Variants in BMPR2 observed in about 807,000 individuals in gnomAD.
BMPR2 encodes bone morphogenetic protein receptor type-2.
Under a neutral mutation model 100.8 loss-of-function variants are expected in BMPR2, and 29 were observed. The ratio of observed to expected loss-of-function variants is 0.29; its 90% CI spans 0.21 to 0.39. BMPR2 has a LOEUF of 0.39. Among genes scored for constraint, BMPR2 ranks in the 10% least tolerant of loss-of-function variants. The pLI, the probability that BMPR2 is intolerant of heterozygous loss-of-function variation, is 1.00. For missense variants in BMPR2, 1,011 were observed against 1,274.5 expected, an observed-to-expected ratio of 0.79 and a Z score of 3.15; for synonymous variants, 382 against 442.3, an observed-to-expected ratio of 0.86 and a Z score of 1.71.
chr2:202,404,166 G>A (rs1366532475), intron 1 of BMPR2, among the ~76,000 whole-genome samples: 1 of 150,256 alleles, frequency 6.7e-6, no homozygotes, highest in Non-Finnish European at 1.5e-5. Flanking sequence ...TCATTTTAGA[G>A]CTAAAATTTG....
chr2:202,464,904 ATAT>A lies in BMPR2; in HGVS notation c.176_178del (p.Leu59del). Reference sequence around the variant, plus strand: ...TAGAATCTCTCATGAAAATGGGACAATATTATGCTCGAAAGGTAGCACCTGCTA... The same window carrying A: ...TAGAATCTCTCATGAAAATGGGACAATATGCTCGAAAGGTAGCACCTGCTA... On this transcript the variant is annotated inframe_deletion, in exon 2 of 13. Coordinates refer to ENST00000374580, the MANE Select transcript of BMPR2 (RefSeq NM_001204.7). 6.2e-7 allele frequency: 1 copy of A among 1,614,150 alleles called. No homozygotes were observed. The highest frequency in any genetic ancestry group is 8.5e-7 in the Non-Finnish European group (1 of 1,180,016).
intron 3 of BMPR2, among the ~76,000 whole-genome samples, chr2:202,502,090 A>C (rs1687406664): frequency 6.6e-6 from 1 of 152,226 alleles, no homozygotes; most frequent in Admixed American, 6.5e-5. Flanking sequence ...GAGCCTTAGA[A>C]CTGGGAAAGG....
At chr2:202,441,232 C>T (rs974684215) in intron 1 of BMPR2, among the ~76,000 whole-genome samples, 2 of 150,168 alleles carry the variant, frequency 1.3e-5, no homozygotes, top group Admixed American at 6.6e-5. Context: ...CCACCCACCT[C>T]GGCCTCCCAA....
intron 10 of BMPR2, among the ~76,000 whole-genome samples, chr2:202,550,290 A>T (rs1221454046): frequency 2.7e-5 from 4 of 150,682 alleles, no homozygotes; most frequent in African/African-American, 4.9e-5. Context: ...GGAGAATGGC[A>T]CGAACCCAAG....
chr2:202,467,800 T>C, intron 3 of BMPR2, 111 bp downstream of exon 3: 4 of 1,143,586 alleles, frequency 3.5e-6, no homozygotes, highest in Non-Finnish European at 5.2e-6. Flanking sequence ...GGCTCATGCC[T>C]GTAATGCCAG....
At chr2:202,511,535 C>T (rs1444702380) in intron 3 of BMPR2, among the ~76,000 whole-genome samples, 18 of 152,094 alleles carry the variant, frequency 1.2e-4, no homozygotes, top group Admixed American at 1.2e-3. Context: ...TTGCAATGTA[C>T]AAGAGTTATA....
chr2:202,534,461 C>T (rs1476991075), intron 9 of BMPR2, among the ~76,000 whole-genome samples: 2 of 151,730 alleles, frequency 1.3e-5, no homozygotes, highest in African/African-American at 4.8e-5. Context: ...GGTGATGACT[C>T]TTAACGAGCA....
intron 1 of BMPR2, among the ~76,000 whole-genome samples, chr2:202,404,969 G>A (rs1690857834): frequency 1.3e-5 from 2 of 152,010 alleles, no homozygotes; most frequent in African/African-American, 2.4e-5. Flanking sequence ...GAGTACAGGC[G>A]TGTGCACCAT....
chr2:202,494,475 G>A (rs1692975728), intron 3 of BMPR2, among the ~76,000 whole-genome samples: 15 of 152,286 alleles, frequency 9.8e-5, no homozygotes, highest in Admixed American at 9.2e-4. Flanking sequence ...CCTGGCTCCA[G>A]GATTTGTAAA....
intron 3 of BMPR2, chr2:202,469,550 G>T (rs1259842919): frequency 6.9e-6 from 2 of 291,294 alleles, no homozygotes; most frequent in South Asian, 3.0e-5. Context: ...CACGATCCCG[G>T]CTCACTGCAA....
At position 202,556,492 on chromosome 2, in the gene BMPR2, C is replaced by A; in HGVS notation, c.2827C>A (p.Leu943Ile). ...AGCACAGAGGCCTAATTCTCTGGAT[C>A]TTTCAGCCACAAATGTCCTGGATGG... The part of the protein sequence containing the change: ...RRAQRPNSLD[L>I]SATNVLDGSS... Residue 943 changes from leucine (L) to isoleucine (I), a missense_variant, in exon 12 of 13, where the codon CTT becomes ATT. Coordinates refer to ENST00000374580, the MANE Select transcript of BMPR2 (RefSeq NM_001204.7). 1 of 1,613,910 alleles carries A rather than the reference C, an allele frequency of 6.2e-7. No individual in the cohort carries two copies. The highest frequency in any genetic ancestry group is 8.5e-7 in the Non-Finnish European group (1 of 1,180,038).
intron 9 of BMPR2, among the ~76,000 whole-genome samples, chr2:202,541,356 G>A (rs1214281341): frequency 1.3e-5 from 2 of 151,382 alleles, no homozygotes; most frequent in Non-Finnish European, 2.9e-5. Flanking sequence ...CTTGAGTGCA[G>A]GAGTTCAAGT....
chr2:202,519,168 C>A, intron 6 of BMPR2, 116 bp downstream of exon 6: 1 of 1,076,064 alleles, frequency 9.3e-7, no homozygotes, highest in Non-Finnish European at 1.4e-6. Context: ...TCAGGACCAG[C>A]CTCGCCAACA....
intron 1 of BMPR2, among the ~76,000 whole-genome samples, chr2:202,415,789 G>GATC (rs1691115118): frequency 6.6e-6 from 1 of 152,172 alleles, no homozygotes; most frequent in African/African-American, 2.4e-5. Context: ...AAATATTACT[G>GATC]ATCATTGACA....
intron 1 of BMPR2, among the ~76,000 whole-genome samples, chr2:202,457,886 C>T (rs562139904): frequency 1.2e-4 from 19 of 152,158 alleles, no homozygotes; most frequent in African/African-American, 2.9e-4. Flanking sequence ...CACGCCACCA[C>T]GCTCGGGTAA....
intron 3 of BMPR2, among the ~76,000 whole-genome samples, chr2:202,474,236 A>C (rs1282413219): frequency 6.6e-6 from 1 of 152,084 alleles, no homozygotes; most frequent in African/African-American, 2.4e-5. Context: ...CAGGTGGATC[A>C]TGAGGTCAGG....
chr2:202,450,548 G>A (rs771815459), intron 1 of BMPR2, among the ~76,000 whole-genome samples: 16 of 151,882 alleles, frequency 1.1e-4, no homozygotes, highest in African/African-American at 1.7e-4. Context: ...AAAATTAGCC[G>A]GGCATGGTGG....
At chr2:202,523,386 A>G (rs2106011378) in intron 7 of BMPR2, among the ~76,000 whole-genome samples, 1 of 152,350 alleles carries the variant, frequency 6.6e-6, no homozygotes, top group Non-Finnish European at 1.5e-5. Flanking sequence ...CTGGGTATAT[A>G]TCCAAAAGAA....
chr2:202,381,879 G>T (rs1025723123), intron 1 of BMPR2, among the ~76,000 whole-genome samples: 2 of 147,602 alleles, frequency 1.4e-5, no homozygotes, highest in African/African-American at 5.0e-5. Flanking sequence ...TTAAAGGCCA[G>T]TTTTTTTTTT....
Sources: allele counts gnomAD v4.1 joint callset (sites outside exome capture counted in the v4.1 genomes callset), GRCh38; gene constraint gnomAD v4.1.1; transcripts MANE v1.5; gene names NCBI Gene and HGNC (gene_info 2026-07-23, HGNC 2026-07-21).